MTMR10: variants seen among roughly 807,000 people sequenced by gnomAD.
MTMR10 encodes the protein myotubularin related protein 10.
In MTMR10, 56 loss-of-function variants were observed where a neutral mutation model predicts 88.1. The ratio of observed to expected loss-of-function variants is 0.64; its 90% CI spans 0.51 to 0.79. The LOEUF is 0.79. Among genes scored for constraint, MTMR10 ranks in the 30% least tolerant of loss-of-function variants. The pLI is 0.00. For synonymous variants in MTMR10, 380 were observed against 340.9 expected (o/e 1.11, Z -1.26); for missense variants, 883 against 924.7 (o/e 0.95, Z 0.58).
chr15:30,950,274 A>T (rs2063225921), intron 12 of MTMR10: 1 of 152,214 alleles, frequency 6.6e-6, no homozygotes, highest in African/African-American at 2.4e-5. Flanking sequence ...GTATCAGTTC[A>T]GGATTACTTT....
At chr15:30,946,937 A>C in intron 14 of MTMR10, 193 bp downstream of exon 14, 1 of 746,758 alleles carries the variant, frequency 1.3e-6, no homozygotes, top group East Asian at 2.9e-5. Flanking sequence ...GTAAAACAAA[A>C]AATGTTCATT....
At chr15:30,929,579 T>TTATATTA in the MTMR10 span, among the ~76,000 whole-genome samples, 2 of 127,732 alleles carry the variant, frequency 1.6e-5, no homozygotes, top group African/African-American at 2.9e-5. Context: ...ATTATATTTA[T>TTATATTA]TATATTATAT....
At chr15:30,991,406 C>A (rs756004819) in intron 1 of MTMR10, 41 bp downstream of exon 1, 20 of 1,443,672 alleles carry the variant, frequency 1.4e-5, no homozygotes, top group East Asian at 2.8e-5. Flanking sequence ...TCCACGGAAG[C>A]GCAGAGGAGA....
the MTMR10 span, among the ~76,000 whole-genome samples, chr15:30,929,554 ATATAT>A: frequency 0.13 from 15,921 of 123,570 alleles, 1,126 homozygotes; most frequent in African/African-American, 0.21. Flanking sequence ...TATATAAAAT[ATATAT>A]TATATCTTTA....
At chr15:30,946,711 T>C (rs892452843) in intron 14 of MTMR10, 5 of 702,742 alleles carry the variant, frequency 7.1e-6, no homozygotes, top group African/African-American at 7.0e-5. Flanking sequence ...CATCAATGAA[T>C]TGTGACCAGA....
At chr15:30,919,560 G>A in the MTMR10 span, among the ~76,000 whole-genome samples, 1 of 151,148 alleles carries the variant, frequency 6.6e-6, no homozygotes, top group Admixed American at 6.6e-5. Context: ...GTGTTGTGAC[G>A]AGTGTCTGTA....
the MTMR10 span, chr15:30,920,463 C>T: frequency 5.7e-6 from 5 of 877,096 alleles, no homozygotes; most frequent in Non-Finnish European, 9.4e-6. Flanking sequence ...GATAGGAATT[C>T]AGTCTGCTTT....
the MTMR10 span, among the ~76,000 whole-genome samples, chr15:30,929,682 TA>T: frequency 8.3e-4 from 96 of 115,478 alleles, 1 homozygote; most frequent in Non-Finnish European, 1.3e-3. Flanking sequence ...ATATATCATA[TA>T]ATATATATAA....
chr15:30,920,798 T>G, the MTMR10 span: 2 of 563,058 alleles, frequency 3.6e-6, no homozygotes, highest in African/African-American at 3.9e-5. Flanking sequence ...TTGTTTTGTC[T>G]TTTTGAGACA....
intron 9 of MTMR10, among the ~76,000 whole-genome samples, chr15:30,955,605 C>T (rs954174728): frequency 6.6e-6 from 1 of 152,130 alleles, no homozygotes; most frequent in Non-Finnish European, 1.5e-5. Context: ...AAATAAAGCA[C>T]ATCCATTGGA....
intron 5 of MTMR10, chr15:30,968,297 A>T (rs1334193058): frequency 4.0e-6 from 1 of 250,540 alleles, no homozygotes; most frequent in African/African-American, 2.2e-5. Context: ...CAATAAAGAA[A>T]GCTTCAAACT....
chr15:30,925,672 C>G, the MTMR10 span: 1 of 1,152,822 alleles, frequency 8.7e-7, no homozygotes, highest in African/African-American at 1.5e-5. Flanking sequence ...ACGCTGTGTG[C>G]TCTACTAAGT....
chr15:30,948,855 G>C (rs750243431), intron 12 of MTMR10: 1 of 233,716 alleles, frequency 4.3e-6, no homozygotes, highest in Non-Finnish European at 8.2e-6. Flanking sequence ...TGAATGGGGA[G>C]AGTGGGACTG....
At chr15:30,989,532 G>A (rs2031167374) in intron 2 of MTMR10, among the ~76,000 whole-genome samples, 1 of 151,428 alleles carries the variant, frequency 6.6e-6, no homozygotes, top group African/African-American at 2.4e-5. Context: ...TTTAAGTAAT[G>A]AGTCAGATTT....
chr15:30,989,323 G>A (rs1400847990), intron 2 of MTMR10, among the ~76,000 whole-genome samples: 1 of 152,168 alleles, frequency 6.6e-6, no homozygotes, highest in Non-Finnish European at 1.5e-5. Context: ...ACACACTGTT[G>A]AGTGAAAAGC....
the MTMR10 span, chr15:30,930,445 C>G: frequency 1.4e-6 from 2 of 1,416,014 alleles, no homozygotes. Flanking sequence ...CACTGAATTA[C>G]ATATACACTG....
intron 9 of MTMR10, among the ~76,000 whole-genome samples, chr15:30,958,231 G>C (rs184362267): frequency 2.0e-5 from 3 of 152,322 alleles, no homozygotes; most frequent in African/African-American, 7.2e-5. Flanking sequence ...AGCGGCCTTA[G>C]AATCTGTGTA....
rs1434027843 is a variant in MTMR10 at position 30,941,540 on chromosome 15, G to A, written c.2264C>T (p.Thr755Ile). Reference sequence around the variant, plus strand: ...CCCACTTAAAAATTTGCTTAATGGTGTTCCTAAAATGCTTCGTCTGCACAG... The same window carrying A: ...CCCACTTAAAAATTTGCTTAATGGTATTCCTAAAATGCTTCGTCTGCACAG... ...GNLCRRSILG[T>I]PLSKFLSGAK... The change falls in exon 16 of 16, where the codon ACA (threonine) becomes ATA (isoleucine). Residue 755 changes from threonine to isoleucine, a missense_variant. By Grantham distance (89) the Thr-to-Ile change is moderately conservative. Around this residue, in one of 3 missense-constraint regions of MTMR10, gnomAD observed 343 missense variants for 323.2 expected, o/e 1.06. Transcript: ENST00000435680. The A allele has an allele frequency of 1.9e-6, 3 of 1,608,858 alleles. No individual in the cohort carries two copies. The highest frequency in any genetic ancestry group is 2.5e-6 in the Non-Finnish European group (3 of 1,177,218).
At chr15:30,924,605 A>G in the MTMR10 span, among the ~76,000 whole-genome samples, 1 of 152,196 alleles carries the variant, frequency 6.6e-6, no homozygotes. Flanking sequence ...AATACTTGTA[A>G]TTCCTCCAAA....
Sources: gnomAD v4.1 joint callset for allele counts (sites outside exome capture counted in the v4.1 genomes callset) on GRCh38, gnomAD v4.1.1 for gene constraint, gnomAD v4.1.1 regional missense constraint, MANE v1.5 for transcripts, NCBI Gene and HGNC (gene_info 2026-07-23, HGNC 2026-07-21) for gene names.